The following TBC1D28 variants were observed in gnomAD, a reference collection of about 807,000 sequenced individuals.
TBC1D28 encodes TBC1 domain family member 28, also known as TBC1 domain family, member 28.
TBC1D28 carries 20 observed loss-of-function variants against 29.2 expected under a neutral mutation model. The observed-to-expected ratio is 0.68, with a 90% CI of 0.48 to 0.99. The LOEUF (loss-of-function observed/expected upper bound fraction) is 0.99, where lower values mean the gene tolerates loss of function less well. TBC1D28 is among the 50% of genes least tolerant of loss of function. The pLI is 0.00. For synonymous variants in TBC1D28, 65 were observed against 90.9 expected (o/e 0.71, Z 1.62); for missense variants, 205 against 243.7 (o/e 0.84, Z 1.06).
At chr17:18,641,532 G>C (rs1416516208) in intron 2 of TBC1D28, 100 bp downstream of exon 3, 3 of 687,284 alleles carry the variant, frequency 4.4e-6, no homozygotes, top group Non-Finnish European at 7.4e-6. Flanking sequence ...CTGAAGTCCT[G>C]ACCTCCAACC....
At chr17:18,643,143 T>C (rs2031843583), upstream of TBC1D28, among the ~76,000 whole-genome samples, 1 of 152,168 alleles carries the variant, frequency 6.6e-6, no homozygotes, top group Admixed American at 6.5e-5. Context: ...AGAGCATCCA[T>C]GGGTCCTCCC....
intron 8 of TBC1D28, among the ~76,000 whole-genome samples, chr17:18,637,271 G>A (rs1204849135): frequency 2.3e-5 from 2 of 87,316 alleles, no homozygotes; most frequent in East Asian, 3.5e-3. Context: ...CGTAGCCTCC[G>A]GGTGTGAGTT....
chr17:18,640,126 G>A (rs1379440117), intron 4 of TBC1D28, among the ~76,000 whole-genome samples: 1 of 152,052 alleles, frequency 6.6e-6, no homozygotes, highest in Non-Finnish European at 1.5e-5. Flanking sequence ...CCCTGACTTG[G>A]CCCCTCCATC....
exon 9 of TBC1D28, chr17:18,636,237 G>A (rs1460825649): frequency 7.6e-7 from 1 of 1,324,060 alleles, no homozygotes. Context: ...TGGCCCATCA[G>A]GCACCTCAGC....
chr17:18,638,045 A>G (rs2031584480), intron 7 of TBC1D28, 72 bp from the exon 9 acceptor site: 2 of 1,525,814 alleles, frequency 1.3e-6, no homozygotes, highest in African/African-American at 2.8e-5. Flanking sequence ...AACGGCAGTC[A>G]TCCCACAGTC....
chr17:18,640,588 C>T (rs1429086810), intron 4 of TBC1D28, among the ~76,000 whole-genome samples: 1 of 151,328 alleles, frequency 6.6e-6, no homozygotes, highest in Non-Finnish European at 1.5e-5. Flanking sequence ...TATGCCCCTT[C>T]CTCATGGCTG....
chr17:18,641,502 C>G (rs945357654), intron 2 of TBC1D28, 130 bp downstream of exon 3: 6 of 865,350 alleles, frequency 6.9e-6, no homozygotes, highest in Non-Finnish European at 9.0e-6. Flanking sequence ...GACTCAGTGG[C>G]CCCACCCCTG....
chr17:18,643,440 C>A (rs573390168), upstream of TBC1D28, among the ~76,000 whole-genome samples: 2 of 150,466 alleles, frequency 1.3e-5, no homozygotes, highest in Admixed American at 6.6e-5. Context: ...ACTAACCAGA[C>A]CCCTGCCGGC....
chr17:18,641,080 C>A, exon 4 of TBC1D28: 2 of 666,676 alleles, frequency 3.0e-6, no homozygotes. Flanking sequence ...TGCCCCAAGT[C>A]CACTGCTGCC....
rs2031759952 is a variant in TBC1D28 at position 18,641,424 on chromosome 17, T to C, written c.-1-71A>G. 4 of 1,044,254 alleles carry C rather than the reference T, an allele frequency of 3.8e-6. No homozygotes were observed. In the African/African-American group the frequency reaches 6.3e-5, roughly 16 times the overall value. The allele number at this position is 1,044,254 out of a possible 1,614,324, so 64.7% of individuals were successfully genotyped here. The stretch of plus-strand genomic sequence containing the variant: ...CAGAGAACAGCCAAACCACACGCAC[T>C]GCACTCCCAGACACACTCCAGTCTG... On this transcript the variant is annotated intron_variant, in intron 2 of 8. Transcript: ENST00000345096.
intron 4 of TBC1D28, 84 bp downstream of exon 5, chr17:18,640,938 C>T: frequency 2.3e-6 from 1 of 426,582 alleles, no homozygotes; most frequent in Non-Finnish European, 4.0e-6. Context: ...GGAGACATGT[C>T]CTGCTTCAGA....
chr17:18,639,139 G>A (rs2031650881), intron 5 of TBC1D28, 36 bp downstream of exon 6: 2 of 1,598,288 alleles, frequency 1.3e-6, no homozygotes, highest in Admixed American at 3.5e-5. Context: ...CCCAGTCCCT[G>A]AAGCAGCCTC....
upstream of TBC1D28, chr17:18,642,728 G>A (rs1204539419): frequency 6.6e-6 from 1 of 152,286 alleles, no homozygotes; most frequent in Admixed American, 6.5e-5. Context: ...CTGCCCAGAG[G>A]TCACTCACCT....
intron 7 of TBC1D28, 84 bp from the exon 9 acceptor site, chr17:18,638,057 G>C (rs886625290): frequency 2.6e-6 from 4 of 1,545,400 alleles, no homozygotes; most frequent in Non-Finnish European, 3.6e-6. Flanking sequence ...CCCACAGTCA[G>C]CACTTCTGGA....
At chr17:18,637,886 ACAT>A in exon 8 of TBC1D28, 1 of 1,613,696 alleles carries the variant, frequency 6.2e-7, no homozygotes, top group Non-Finnish European at 8.5e-7. Flanking sequence ...CTTTGTATGA[ACAT>A]CATGTGTTTC....
chr17:18,641,218 C>T, intron 3 of TBC1D28, 60 bp downstream of exon 4: 1 of 1,518,268 alleles, frequency 6.6e-7, no homozygotes, highest in Non-Finnish European at 8.9e-7. Flanking sequence ...GACCCTGTGA[C>T]CAGGGCACAG....
chr17:18,634,414 A>G (rs1164968513), downstream of TBC1D28, among the ~76,000 whole-genome samples: 1 of 151,906 alleles, frequency 6.6e-6, no homozygotes, highest in Non-Finnish European at 1.5e-5. Context: ...CAAAAGCACA[A>G]AAGTTGTTAG....
intron 4 of TBC1D28, among the ~76,000 whole-genome samples, chr17:18,640,483 G>C (rs1447732124): frequency 6.6e-6 from 1 of 151,842 alleles, no homozygotes; most frequent in Non-Finnish European, 1.5e-5. Flanking sequence ...TGCATGCTCT[G>C]TTGTCCCCCT....
chr17:18,638,214 C>T (rs187287663), intron 7 of TBC1D28, 99 bp downstream of exon 8: 12 of 1,454,738 alleles, frequency 8.2e-6, no homozygotes, highest in South Asian at 7.6e-5. Flanking sequence ...CAGCCCCCAC[C>T]CCCAACCCAG....
Sources: gnomAD v4.1 joint callset for allele counts (sites outside exome capture counted in the v4.1 genomes callset) on GRCh38, gnomAD v4.1.1 for gene constraint, MANE v1.5 for transcripts, NCBI Gene and HGNC (gene_info 2026-07-23, HGNC 2026-07-21) for gene names.